Variants in CHCHD10 observed in about 807,000 individuals in gnomAD.
CHCHD10 encodes the protein coiled-coil-helix-coiled-coil-helix domain-containing protein 10, mitochondrial.
In CHCHD10, 10 loss-of-function variants were observed where a neutral mutation model predicts 14.8. That is an observed-to-expected ratio of 0.67 (90% CI 0.42 to 1.14). The LOEUF (loss-of-function observed/expected upper bound fraction) is 1.14, where lower values mean the gene tolerates loss of function less well. Ranked by LOEUF, CHCHD10 falls within the 50% of genes most tolerant of loss-of-function variation. CHCHD10 has a pLI of 0.00. For synonymous variants in CHCHD10, 90 were observed against 85.2 expected, an observed-to-expected ratio of 1.06 and a Z score of -0.31; for missense variants, 203 against 196.9, an observed-to-expected ratio of 1.03 and a Z score of -0.19.
Position 23,767,856 on chromosome 22 carries a change from T to C in CHCHD10, c.19A>G (p.Ser7Gly). MPRGSR[S>G]AASRPASRPA... ...CACCTGGCTGGCCGGGAGGCCGCGCTGCGGCTTCCCCGAGGCATGGTGGCG... is the reference window on the plus strand; with the variant it reads ...CACCTGGCTGGCCGGGAGGCCGCGCCGCGGCTTCCCCGAGGCATGGTGGCG... The change falls in exon 1 of 4, where the codon AGC (serine) becomes GGC (glycine). Residue 7 changes from serine to glycine, a missense_variant. Transcript: ENST00000484558. The C allele has an allele frequency of 6.6e-7, 1 of 1,518,394 alleles. No individual in the cohort carries two copies. The highest frequency in any genetic ancestry group is 8.8e-7 in the Non-Finnish European group (1 of 1,132,874). The allele number at this position is 1,518,394 out of a possible 1,614,324, so 94.1% of individuals were successfully genotyped here.
chr22:23,766,262 G>C lies in CHCHD10; in HGVS notation c.275C>G (p.Ala92Gly), dbSNP rs1926801044. Residue 92 changes from alanine to glycine, a missense_variant, in exon 3 of 4, where the codon GCT becomes GGT. Coordinates refer to ENST00000484558, the MANE Select transcript of CHCHD10 (RefSeq NM_213720.3). ...QPAVQQAPTP[A>G]APQPLQMGPC... Reference sequence around the variant, plus strand: ...CCCCATCTGCAGGGGCTGGGGGGCAGCGGGGGTGGGGGCCTGGGGGTACAG... The same window carrying C: ...CCCCATCTGCAGGGGCTGGGGGGCACCGGGGGTGGGGGCCTGGGGGTACAG... 1.3e-6 allele frequency: 2 copies of C among 1,486,274 alleles called. No individual in the cohort carries two copies. Among genetic ancestry groups the C allele is most frequent in the South Asian group, 2.4e-5 (2 of 82,820 alleles). 92.1% of individuals were successfully genotyped at this position (1,486,274 alleles called of 1,614,324 possible).
chr22:23,767,335 G>T, intron 2 of CHCHD10, 39 bp downstream of exon 2: 1 of 1,556,782 alleles, frequency 6.4e-7, no homozygotes, highest in Non-Finnish European at 8.8e-7. Flanking sequence ...GTGGCCTCGA[G>T]ATAATCCTGC....
chr22:23,766,145 T>C lies in CHCHD10; in HGVS notation c.392A>G (p.Gln131Arg), dbSNP rs760754380. The C allele has an allele frequency of 4.3e-6, 7 of 1,613,736 alleles. No individual in the cohort carries two copies. In the South Asian group the frequency reaches 4.4e-5, roughly 10 times the overall value. The change falls in exon 3 of 4, where the codon CAG becomes CGG. Residue 131 changes from glutamine to arginine, a missense_variant. Gln to Arg is a conservative substitution (Grantham distance 43). Transcript: ENST00000484558. ...TCACTCACCATGGTAGTACTTGCAC[T>C]GCTTCAGGGCCTCGCTGAAGCCCTC... ...LCEGFSEALK[Q>R]CKYYHGLSSL...
At position 23,767,822 on chromosome 22, in the gene CHCHD10, TC is replaced by T. The variant is rs1463189649; in HGVS notation, c.41+11del. On this transcript the variant is annotated intron_variant, in intron 1 of 3. Transcript: ENST00000484558. ...TAACCCCCTCCCCACAGGGCCCTTG[TC>T]CCCCTCACACCTGGCTGGCCGGGAG... 1.9e-6 allele frequency: 3 copies of T among 1,546,660 alleles called. No individual in the cohort carries two copies. The highest frequency in any genetic ancestry group is 3.9e-5 in the Admixed American group (2 of 51,626).
chr22:23,767,250 C>A, intron 2 of CHCHD10, 124 bp downstream of exon 2: 3 of 807,276 alleles, frequency 3.7e-6, no homozygotes, highest in Non-Finnish European at 6.1e-6. Flanking sequence ...GGACCCTTCC[C>A]GGGCAGAGTC....
rs1028506132 is a variant in CHCHD10, at chr22:23,767,412, C to T, written c.223G>A (p.Gly75Arg). ...MGSALTGAFS[G>R]GSSEPSQPAV... Reference sequence around the variant, plus strand: ...GGCTGGGAGGGCTCCGAGCTCCCCCCGCTGAAGGCTCCGGTCAGGGCGCTG... The same window carrying T: ...GGCTGGGAGGGCTCCGAGCTCCCCCTGCTGAAGGCTCCGGTCAGGGCGCTG... The change falls in exon 2 of 4, where the codon GGG (glycine) becomes AGG (arginine). Residue 75 changes from glycine (G) to arginine (R), a missense_variant. By Grantham distance (125) the Gly-to-Arg change is moderately radical. Transcript: ENST00000484558. The T allele has an allele frequency of 6.2e-7, 1 of 1,608,118 alleles. No individual in the cohort carries two copies. Among genetic ancestry groups the T allele is most frequent in the East Asian group, 2.2e-5 (1 of 44,746 alleles).
chr22:23,766,316 T>G (rs1362471811), intron 2 of CHCHD10, 41 bp from the exon 3 acceptor site: 6 of 1,520,586 alleles, frequency 3.9e-6, no homozygotes, highest in Non-Finnish European at 4.4e-6. Flanking sequence ...CAGCTTGGAG[T>G]TGGCACCTGG....
Position 23,766,236 on chromosome 22 carries a change from G to A in CHCHD10, c.301C>T (p.Pro101Ser). Residue 101 changes from proline (P) to serine (S), a missense_variant, in exon 3 of 4, where the codon CCC (proline) becomes TCC (serine). Coordinates refer to ENST00000484558, the MANE Select transcript of CHCHD10 (RefSeq NM_213720.3). ...AACTGCCTGATCTCGTAGGCGCAGG[G>A]CCCCATCTGCAGGGGCTGGGGGGCA... ...PAAPQPLQMG[P>S]CAYEIRQFLD... 6.7e-7 allele frequency: 1 copy of A among 1,482,538 alleles called. No homozygotes were observed. The highest frequency in any genetic ancestry group is 9.2e-7 in the Non-Finnish European group (1 of 1,092,626). The allele number at this position is 1,482,538 out of a possible 1,614,324, so 91.8% of individuals were successfully genotyped here. A position where few individuals can be genotyped will look rare whatever the true frequency, so the allele number is the denominator to read the frequency against.
Position 23,767,584 on chromosome 22 carries a change from G to A in CHCHD10, c.51C>T (p.Ala17=). 5 of 1,258,368 alleles carry A rather than the reference G, an allele frequency of 4.0e-6. No individual in the cohort carries two copies. The highest frequency in any genetic ancestry group is 1.8e-5 in the South Asian group (1 of 54,626). 78.0% of individuals were successfully genotyped at this position (1,258,368 alleles called of 1,614,324 possible). A position where few individuals can be genotyped will look rare whatever the true frequency, so the allele number is the denominator to read the frequency against. ...GCGCGGGCGGGTGGGCAGAGGGCGC[G>A]GCTGGGCGGCTGCGGGGGTGGGAGG... is the stretch of plus-strand genomic sequence containing the variant. ...SAASRPASRP[A]APSAHPPAHP... The change falls in exon 2 of 4, where the codon GCC becomes GCT. Residue 17 remains alanine (A), a synonymous_variant. Transcript: ENST00000484558.
intron 3 of CHCHD10, 41 bp from the exon 4 acceptor site, chr22:23,766,067 A>G (rs1170799136): frequency 6.2e-6 from 10 of 1,612,708 alleles, no homozygotes; most frequent in Non-Finnish European, 8.5e-6. Flanking sequence ...GTCAGCCTGC[A>G]GGTGCAAGAG....
rs1192922260 is a variant in CHCHD10 at position 23,765,896 on chromosome 22, C to T, written c.*111G>A. 1 of 1,576,968 alleles carries T rather than the reference C, an allele frequency of 6.3e-7. No homozygotes were observed. Among genetic ancestry groups the T allele is most frequent in the African/African-American group, 1.3e-5 (1 of 74,264 alleles). On this transcript the variant is annotated 3_prime_UTR_variant, in exon 4 of 4. Transcript: ENST00000484558. Reference sequence around the variant, plus strand: ...CTTGGGTTATCTGTGGGGTGAGAAACCTCCTCACTTCCAATCCCAGCTATC... The same window carrying T: ...CTTGGGTTATCTGTGGGGTGAGAAATCTCCTCACTTCCAATCCCAGCTATC...
chr22:23,767,716 C>A, intron 1 of CHCHD10, 118 bp downstream of exon 1: 1 of 1,015,508 alleles, frequency 9.8e-7, no homozygotes. Flanking sequence ...TGCTGCACCC[C>A]CACCCCTCCC....
At chr22:23,766,074 AGAG>A in intron 3 of CHCHD10, 48 bp from the exon 4 acceptor site, 5 of 1,612,938 alleles carry the variant, frequency 3.1e-6, no homozygotes, top group Non-Finnish European at 3.4e-6. Flanking sequence ...TGCAGGTGCA[AGAG>A]GAGGGTTGGC....
chr22:23,765,976 A>G lies in CHCHD10; in HGVS notation c.*31T>C. The G allele has an allele frequency of 6.2e-7, 1 of 1,613,010 alleles. No homozygotes were observed. The highest frequency in any genetic ancestry group is 1.1e-5 in the South Asian group (1 of 90,996). ...GTCGGCGAGGGGTAGAGGTGGGTGC[A>G]GGACTGGCCCCCGAGTCTGCACCGA... On this transcript the variant is annotated 3_prime_UTR_variant, in exon 4 of 4. Coordinates refer to ENST00000484558, the MANE Select transcript of CHCHD10 (RefSeq NM_213720.3).
rs1330446428 is a variant in CHCHD10, at chr22:23,766,259, G to A, written c.278C>T (p.Ala93Val). 1.3e-6 allele frequency: 2 copies of A among 1,508,754 alleles called. No homozygotes were observed. The highest frequency in any genetic ancestry group is 1.8e-6 in the Non-Finnish European group (2 of 1,112,980). 93.5% of individuals were successfully genotyped at this position (1,508,754 alleles called of 1,614,324 possible). A position where few individuals can be genotyped will look rare whatever the true frequency, so the allele number is the denominator to read the frequency against. ...PAVQQAPTPA[A>V]PQPLQMGPCA... ...GGGCCCCATCTGCAGGGGCTGGGGG[G>A]CAGCGGGGGTGGGGGCCTGGGGGTA... is the stretch of plus-strand genomic sequence containing the variant. Residue 93 changes from alanine (A) to valine (V), a missense_variant, in exon 3 of 4, where the codon GCC (alanine) becomes GTC (valine). Ala to Val is a moderately conservative substitution (Grantham distance 64). Transcript: ENST00000484558.
intron 2 of CHCHD10, chr22:23,766,557 G>A: frequency 2.6e-6 from 1 of 383,744 alleles, no homozygotes; most frequent in South Asian, 3.8e-5. Context: ...GGTTCAAGTG[G>A]TTGTCCTGCC....
Position 23,765,978 on chromosome 22 carries a change from G to T in CHCHD10, c.*29C>A. The T allele has an allele frequency of 1.2e-6, 2 of 1,613,080 alleles. No homozygotes were observed. The highest frequency in any genetic ancestry group is 1.7e-6 in the Non-Finnish European group (2 of 1,179,806). ...CGGCGAGGGGTAGAGGTGGGTGCAG[G>T]ACTGGCCCCCGAGTCTGCACCGACC... On this transcript the variant is annotated 3_prime_UTR_variant, in exon 4 of 4. Transcript: ENST00000484558.
rs759922090 is a variant in CHCHD10, at chr22:23,766,242, T to A, written c.295A>T (p.Met99Leu). 6.7e-7 allele frequency: 1 copy of A among 1,501,432 alleles called. No individual in the cohort carries two copies. The highest frequency in any genetic ancestry group is 1.4e-5 in the African/African-American group (1 of 71,836). 93.0% of individuals were successfully genotyped at this position (1,501,432 alleles called of 1,614,324 possible). A position where few individuals can be genotyped will look rare whatever the true frequency, so the allele number is the denominator to read the frequency against. The change falls in exon 3 of 4, where the codon ATG becomes TTG. Residue 99 changes from methionine (M) to leucine (L), a missense_variant. Coordinates refer to ENST00000484558, the MANE Select transcript of CHCHD10 (RefSeq NM_213720.3). ...PTPAAPQPLQMGPCAYEIRQF... is the reference protein window; with the variant it reads ...PTPAAPQPLQLGPCAYEIRQF... ...CTGATCTCGTAGGCGCAGGGCCCCA[T>A]CTGCAGGGGCTGGGGGGCAGCGGGG...
At position 23,766,012 on chromosome 22, in the gene CHCHD10, G is replaced by T. The variant is rs1294246273; in HGVS notation, c.424C>A (p.Pro142Thr). The T allele has an allele frequency of 6.2e-6, 10 of 1,613,716 alleles. No homozygotes were observed. The highest frequency in any genetic ancestry group is 8.5e-6 in the Non-Finnish European group (10 of 1,179,876). ...CKYYHGLSSL[P>T] ...CCGAGTCTGCACCGACCTCTTCAGG[G>T]CAGGGAGCTCAGACCTGGGAAGGGA... The change falls in exon 4 of 4, where the codon CCC (proline) becomes ACC (threonine). Residue 142 changes from proline to threonine, a missense_variant. Pro to Thr is a conservative substitution (Grantham distance 38, BLOSUM62 -1). Transcript: ENST00000484558.
Sources: gnomAD v4.1 joint callset for allele counts on GRCh38, gnomAD v4.1.1 for gene constraint, MANE v1.5 for transcripts, NCBI Gene and HGNC (gene_info 2026-07-23, HGNC 2026-07-21) for gene names.